Variants in CDYL2 observed in about 807,000 individuals in gnomAD.
CDYL2 encodes the protein chromodomain Y like 2.
A neutral mutation model predicts 49.4 loss-of-function variants in CDYL2; 23 were observed. That is an observed-to-expected ratio of 0.47 (90% confidence interval 0.34 to 0.66). The LOEUF is 0.66. CDYL2 is among the 30% of genes least tolerant of loss of function. CDYL2 has a pLI of 0.01. For synonymous variants in CDYL2, 360 were observed against 268.8 expected (o/e 1.34, Z -3.32); for missense variants, 678 against 656.4 (o/e 1.03, Z -0.36).
At chr16:80,735,390 C>A (rs192033997) in intron 1 of CDYL2, among the ~76,000 whole-genome samples, 21 of 152,346 alleles carry the variant, frequency 1.4e-4, no homozygotes, top group Admixed American at 1.3e-3. Context: ...TTTTCCCCTT[C>A]TCTATGCATC....
intron 1 of CDYL2, among the ~76,000 whole-genome samples, chr16:80,758,226 G>A (rs1906381130): frequency 6.6e-6 from 1 of 151,940 alleles, no homozygotes; most frequent in African/African-American, 2.4e-5. Context: ...ACACAGAAAA[G>A]AACTTAGCTA....
At chr16:80,728,315 G>A (rs555720191) in intron 1 of CDYL2, among the ~76,000 whole-genome samples, 117 of 152,246 alleles carry the variant, frequency 7.7e-4, no homozygotes, top group Middle Eastern at 3.4e-3. Flanking sequence ...AGCCTCAGGA[G>A]CCGATGCGAT....
chr16:80,800,236 C>G (rs927098419), intron 1 of CDYL2, among the ~76,000 whole-genome samples: 7 of 152,192 alleles, frequency 4.6e-5, no homozygotes, highest in African/African-American at 1.7e-4. Context: ...GCAAGAACAG[C>G]TATGAAAACA....
intron 1 of CDYL2, among the ~76,000 whole-genome samples, chr16:80,788,581 G>C (rs1432659852): frequency 6.6e-6 from 1 of 152,218 alleles, no homozygotes; most frequent in East Asian, 1.9e-4. Flanking sequence ...TATGATAGAA[G>C]TATCATCTAC....
At chr16:80,704,672 G>C (rs548511404) in intron 1 of CDYL2, among the ~76,000 whole-genome samples, 7 of 152,314 alleles carry the variant, frequency 4.6e-5, no homozygotes, top group African/African-American at 1.7e-4. Context: ...ATTGGAACAG[G>C]GCATGCGGGA....
chr16:80,769,976 T>C (rs143839248), intron 1 of CDYL2, among the ~76,000 whole-genome samples: 11 of 152,326 alleles, frequency 7.2e-5, no homozygotes, highest in African/African-American at 2.6e-4. Context: ...TCTGCTCATT[T>C]ATATTAGAAA....
intron 4 of CDYL2, among the ~76,000 whole-genome samples, chr16:80,619,606 G>C (rs1254488743): frequency 1.3e-5 from 2 of 152,334 alleles, no homozygotes; most frequent in Non-Finnish European, 2.9e-5. Flanking sequence ...TGGAAAGGCA[G>C]TAGTGAGAGG....
chr16:80,660,781 A>G (rs1597154874), intron 2 of CDYL2, among the ~76,000 whole-genome samples: 1 of 152,172 alleles, frequency 6.6e-6, no homozygotes, highest in Non-Finnish European at 1.5e-5. Flanking sequence ...GGGAAGAAAA[A>G]CTGCCCAATC....
At chr16:80,743,410 A>C (rs1271365180) in intron 1 of CDYL2, among the ~76,000 whole-genome samples, 1 of 152,216 alleles carries the variant, frequency 6.6e-6, no homozygotes. Flanking sequence ...TCTAAATCTC[A>C]AGGAACCACA....
Position 80,804,287 on chromosome 16 carries a change from G to T in CDYL2, c.-114C>A. 1.1e-6 allele frequency: 1 copy of T among 935,082 alleles called. No individual in the cohort carries two copies. The highest frequency in any genetic ancestry group is 1.4e-6 in the Non-Finnish European group (1 of 698,726). The allele number at this position is 935,082 out of a possible 1,614,324, so 57.9% of individuals were successfully genotyped here. Reference sequence around the variant, plus strand: ...TGTGTGCGCGCGTGTGTGTGCGAGTGTGTGTGGTGTGTTGAGTAAACTGTG... The same window carrying T: ...TGTGTGCGCGCGTGTGTGTGCGAGTTTGTGTGGTGTGTTGAGTAAACTGTG... On this transcript the variant is annotated 5_prime_UTR_variant, in exon 1 of 7. Coordinates refer to ENST00000570137, the MANE Select transcript of CDYL2 (RefSeq NM_152342.4).
rs138228470 is a variant in CDYL2, at chr16:80,743,521, G to GT, written c.25-58393dup. On this transcript the variant is annotated intron_variant, in intron 1 of 6. Transcript: ENST00000570137. ...GGTGTATGAATGGGTCAGGAGAGAT[G>GT]TTTCTTAAAACTTGTGTAGCCACAG... Among the ~76,000 whole-genome samples the GT allele has an allele frequency of 4.4e-3, 665 of 152,296 alleles. 5 individuals carry two copies. The highest frequency in any genetic ancestry group is 0.016 in the African/African-American group (649 of 41,566).
At chr16:80,736,011 T>C (rs1022262679) in intron 1 of CDYL2, among the ~76,000 whole-genome samples, 1 of 152,224 alleles carries the variant, frequency 6.6e-6, no homozygotes, top group Non-Finnish European at 1.5e-5. Flanking sequence ...CTCCATCCGC[T>C]GGACTAAGGG....
intron 2 of CDYL2, among the ~76,000 whole-genome samples, chr16:80,679,136 T>G (rs1909873003): frequency 7.3e-6 from 1 of 136,058 alleles, no homozygotes; most frequent in Admixed American, 7.2e-5. Context: ...GGGGGAGGGA[T>G]AGCATTGGGA....
At chr16:80,713,091 T>C (rs998508909) in intron 1 of CDYL2, among the ~76,000 whole-genome samples, 2 of 152,176 alleles carry the variant, frequency 1.3e-5, no homozygotes, top group Non-Finnish European at 2.9e-5. Flanking sequence ...TACAAGAATA[T>C]CCCTTCAGAG....
At chr16:80,696,105 C>T (rs996252419) in intron 1 of CDYL2, among the ~76,000 whole-genome samples, 2 of 152,112 alleles carry the variant, frequency 1.3e-5, no homozygotes, top group Non-Finnish European at 2.9e-5. Context: ...AACCTTGAAA[C>T]TGTACAAATA....
intron 1 of CDYL2, among the ~76,000 whole-genome samples, chr16:80,791,944 G>A (rs1907623432): frequency 6.6e-6 from 1 of 152,146 alleles, no homozygotes; most frequent in African/African-American, 2.4e-5. Context: ...CCCAAGCAAT[G>A]GCAGTTTTCT....
chr16:80,636,021 C>G lies in CDYL2; in HGVS notation c.617-2785G>C, dbSNP rs186676905. Among the ~76,000 whole-genome samples, 701 of 152,280 alleles carry G rather than the reference C, an allele frequency of 4.6e-3. 10 individuals are homozygous for G. Among genetic ancestry groups the G allele is most frequent in the African/African-American group, 0.016 (654 of 41,556 alleles). ...AAACCAGCTAGCCATATGCAGAAAA[C>G]TGAAATTGGACCCCTTTCTTATGCC... On this transcript the variant is annotated intron_variant, in intron 2 of 6. Coordinates refer to ENST00000570137, the MANE Select transcript of CDYL2 (RefSeq NM_152342.4).
intron 1 of CDYL2, among the ~76,000 whole-genome samples, chr16:80,727,957 A>G (rs1305710240): frequency 1.3e-5 from 2 of 152,222 alleles, no homozygotes; most frequent in Non-Finnish European, 2.9e-5. Context: ...GTACATCACC[A>G]TCATCAAAGA....
chr16:80,759,250 T>C (rs572983944), intron 1 of CDYL2, among the ~76,000 whole-genome samples: 1 of 150,980 alleles, frequency 6.6e-6, no homozygotes, highest in South Asian at 2.1e-4. Flanking sequence ...GTGATGGATG[T>C]ATGCATAATT....
Sources: gnomAD v4.1 joint callset for allele counts (sites outside exome capture counted in the v4.1 genomes callset) on GRCh38, gnomAD v4.1.1 for gene constraint, MANE v1.5 for transcripts, NCBI Gene and HGNC (gene_info 2026-07-23, HGNC 2026-07-21) for gene names.